Variants in CFAP299 observed in about 807,000 individuals in gnomAD.
CFAP299 encodes the protein cilia and flagella associated protein 299, also known as cilia- and flagella-associated protein 299.
CFAP299 carries 21 observed loss-of-function variants against 27.0 expected under a neutral mutation model. The observed-to-expected ratio is 0.78, with a 90% confidence interval of 0.55 to 1.12. The LOEUF is 1.12. Ranked by LOEUF, CFAP299 falls within the 50% of genes most tolerant of loss-of-function variation. CFAP299 has a pLI of 0.00. For missense variants in CFAP299, 310 were observed against 276.6 expected (o/e 1.12, Z -0.86); for synonymous variants, 104 against 98.1 (o/e 1.06, Z -0.36).
intron 3 of CFAP299, among the ~76,000 whole-genome samples, chr4:80,855,560 C>G (rs568644023): frequency 6.6e-6 from 1 of 152,150 alleles, no homozygotes; most frequent in African/African-American, 2.4e-5. Context: ...TCCCCTCTCC[C>G]CCCAACCCAC....
chr4:80,331,361 T>C (rs912240793), upstream of CFAP299, among the ~76,000 whole-genome samples: 4 of 152,192 alleles, frequency 2.6e-5, no homozygotes, highest in African/African-American at 7.2e-5. Context: ...AAGAAGGTTT[T>C]TAAAAGAGGC....
At chr4:80,580,644 T>C (rs1736114398) in intron 2 of CFAP299, among the ~76,000 whole-genome samples, 2 of 152,176 alleles carry the variant, frequency 1.3e-5, no homozygotes, top group East Asian at 1.9e-4. Flanking sequence ...TTCTTTTCTT[T>C]CCTGCTCTTA....
intron 2 of CFAP299, among the ~76,000 whole-genome samples, chr4:80,493,573 A>AG (rs1201557785): frequency 2.0e-5 from 3 of 152,096 alleles, no homozygotes; most frequent in African/African-American, 7.2e-5. Flanking sequence ...TAATCGAAAA[A>AG]GGTTGCTTTA....
intron 1 of CFAP299, among the ~76,000 whole-genome samples, chr4:80,348,158 A>G (rs1722835839): frequency 6.6e-6 from 1 of 152,218 alleles, no homozygotes. Context: ...AAGATTGATT[A>G]AAGACTTAAA....
chr4:80,843,293 A>G (rs1730967740), intron 3 of CFAP299, among the ~76,000 whole-genome samples: 1 of 151,892 alleles, frequency 6.6e-6, no homozygotes, highest in South Asian at 2.1e-4. Context: ...AAGTGTTCTC[A>G]TTGTTCAATT....
chr4:80,695,506 G>A lies in CFAP299; in HGVS notation c.333+112323G>A, dbSNP rs143918363. Reference sequence around the variant, plus strand: ...GGAGAATAAGACCCGAATGGATGTGGGCTTTTGTGTAAACATTGTTTGTAT... The same window carrying A: ...GGAGAATAAGACCCGAATGGATGTGAGCTTTTGTGTAAACATTGTTTGTAT... On this transcript the variant is annotated intron_variant, in intron 3 of 5. Transcript: ENST00000358105. Among the ~76,000 whole-genome samples, 21 of 152,184 alleles carry A rather than the reference G, an allele frequency of 1.4e-4. No individual in the cohort carries two copies. In the East Asian group the frequency reaches 3.9e-3, roughly 28 times the overall value.
chr4:80,454,307 C>T (rs895579562), intron 2 of CFAP299, among the ~76,000 whole-genome samples: 1 of 152,064 alleles, frequency 6.6e-6, no homozygotes, highest in South Asian at 2.1e-4. Flanking sequence ...AGACAGAGGT[C>T]GCAACAATCC....
At position 80,899,012 on chromosome 4, in the gene CFAP299, G is replaced by A. The variant is rs182068085; in HGVS notation, c.476+28877G>A. ...TTTAGGTAAAGATCTCTATCATACA[G>A]CTAAACAGCAAGATGTCTGGAGCCA... On this transcript the variant is annotated intron_variant, in intron 4 of 5. Transcript: ENST00000358105. Among the ~76,000 whole-genome samples the A allele has an allele frequency of 2.6e-5, 4 of 152,302 alleles. No homozygotes were observed. The East Asian group carries it at 7.7e-4, about 29-fold the overall frequency.
rs943645056 is a variant in CFAP299, at chr4:80,830,003, G to A, written c.334-39990G>A. On this transcript the variant is annotated intron_variant, in intron 3 of 5. Coordinates refer to ENST00000358105, the MANE Select transcript of CFAP299 (RefSeq NM_152770.3). The stretch of plus-strand genomic sequence containing the variant: ...ATGAAAATAACTGTAGAGATAGATG[G>A]TGGTAATGATTGTACAACATGAATG... Among the ~76,000 whole-genome samples the A allele has an allele frequency of 2.0e-5, 3 of 152,122 alleles. No homozygotes were observed. In the South Asian group the frequency reaches 6.2e-4, roughly 32 times the overall value.
At chr4:80,839,018 T>A (rs1001468320) in intron 3 of CFAP299, among the ~76,000 whole-genome samples, 1 of 152,172 alleles carries the variant, frequency 6.6e-6, no homozygotes, top group Non-Finnish European at 1.5e-5. Flanking sequence ...ACACACTGCT[T>A]ATTTAGTTTA....
intron 2 of CFAP299, among the ~76,000 whole-genome samples, chr4:80,566,582 A>G (rs1005530326): frequency 1.3e-5 from 2 of 152,096 alleles, no homozygotes; most frequent in African/African-American, 4.8e-5. Flanking sequence ...TCAGCTTTCT[A>G]AAGCCTCACT....
At chr4:80,578,331 C>A (rs924481894) in intron 2 of CFAP299, among the ~76,000 whole-genome samples, 1 of 152,164 alleles carries the variant, frequency 6.6e-6, no homozygotes, top group African/African-American at 2.4e-5. Flanking sequence ...CATTAACTTT[C>A]ATTCTTTTCC....
chr4:80,687,296 T>C (rs1441806926), intron 3 of CFAP299, among the ~76,000 whole-genome samples: 1 of 152,224 alleles, frequency 6.6e-6, no homozygotes, highest in Non-Finnish European at 1.5e-5. Flanking sequence ...CGTGATCTCC[T>C]CAGCCTTAGA....
intron 4 of CFAP299, among the ~76,000 whole-genome samples, chr4:80,892,285 T>G: frequency 6.6e-6 from 1 of 152,130 alleles, no homozygotes; most frequent in Middle Eastern, 3.2e-3. Context: ...TAAATGGTGC[T>G]GGGAAAAGTA....
intron 2 of CFAP299, among the ~76,000 whole-genome samples, chr4:80,472,130 G>A (rs1463094358): frequency 1.3e-5 from 2 of 152,220 alleles, no homozygotes; most frequent in Non-Finnish European, 2.9e-5. Flanking sequence ...TAGAAAGGGG[G>A]CAGGAGAGGG....
chr4:80,684,837 A>C (rs888725624), intron 3 of CFAP299, among the ~76,000 whole-genome samples: 4 of 152,026 alleles, frequency 2.6e-5, no homozygotes, highest in African/African-American at 9.7e-5. Context: ...TCTCAAGCCT[A>C]CTTATACAGT....
intron 3 of CFAP299, among the ~76,000 whole-genome samples, chr4:80,693,186 C>T (rs1720848825): frequency 6.6e-6 from 1 of 152,138 alleles, no homozygotes; most frequent in Non-Finnish European, 1.5e-5. Context: ...ACCCAGCCAT[C>T]CCATTACTGG....
intron 2 of CFAP299, among the ~76,000 whole-genome samples, chr4:80,417,956 C>T (rs527531145): frequency 1.2e-4 from 18 of 152,266 alleles, no homozygotes; most frequent in Admixed American, 2.6e-4. Context: ...TCAGCAGACA[C>T]TAGATCTGCT....
intron 3 of CFAP299, among the ~76,000 whole-genome samples, chr4:80,827,362 A>G (rs1730042900): frequency 6.6e-6 from 1 of 151,882 alleles, no homozygotes; most frequent in Non-Finnish European, 1.5e-5. Flanking sequence ...ATACATCATG[A>G]CCAAGTGGGA....
Sources: gnomAD v4.1 joint callset for allele counts (sites outside exome capture counted in the v4.1 genomes callset) on GRCh38, gnomAD v4.1.1 for gene constraint, MANE v1.5 for transcripts, NCBI Gene and HGNC (gene_info 2026-07-23, HGNC 2026-07-21) for gene names.